MCTP2: variants seen among roughly 807,000 people sequenced by gnomAD.
The protein encoded by MCTP2 is multiple C2 and transmembrane domain-containing protein 2.
Under a neutral mutation model 111.6 loss-of-function variants are expected in MCTP2, and 132 were observed. That is an observed-to-expected ratio of 1.18 (90% CI 1.03 to 1.37). The LOEUF is 1.37. Ranked by LOEUF, MCTP2 falls within the 40% of genes most tolerant of loss-of-function variation. The pLI, the probability that MCTP2 is intolerant of heterozygous loss-of-function variation, is 0.00. For synonymous variants in MCTP2, 395 were observed against 387.7 expected (o/e 1.02, Z -0.22); for missense variants, 1,183 against 1,067.9 (o/e 1.11, Z -1.50).
chr15:94,397,491 T>C (rs1325567686), intron 14 of MCTP2, among the ~76,000 whole-genome samples: 2 of 152,192 alleles, frequency 1.3e-5, no homozygotes, highest in Non-Finnish European at 2.9e-5. Context: ...CATCCACAAT[T>C]TATTAAGTGA....
At chr15:94,423,322 T>C (rs745458617) in intron 17 of MCTP2, among the ~76,000 whole-genome samples, 19 of 152,192 alleles carry the variant, frequency 1.2e-4, no homozygotes, top group South Asian at 4.1e-4. Context: ...AAATGTTTGA[T>C]AATGTTTCCA....
chr15:94,430,320 T>A (rs2083102239), intron 17 of MCTP2, among the ~76,000 whole-genome samples: 1 of 151,322 alleles, frequency 6.6e-6, no homozygotes, highest in Non-Finnish European at 1.5e-5. Flanking sequence ...ATATTCTTGC[T>A]CACTCTGCTT....
intron 17 of MCTP2, among the ~76,000 whole-genome samples, chr15:94,418,434 AAAGATG>A (rs2082473040): frequency 6.6e-6 from 1 of 152,068 alleles, no homozygotes; most frequent in Non-Finnish European, 1.5e-5. Context: ...GATGGCTTTG[AAAGATG>A]TATTTACCAA....
At chr15:94,457,380 A>G (rs976179547) in intron 19 of MCTP2, among the ~76,000 whole-genome samples, 1 of 152,238 alleles carries the variant, frequency 6.6e-6, no homozygotes, top group Admixed American at 6.5e-5. Context: ...AAGGTTTTCT[A>G]TAAGCAAAGT....
chr15:94,243,364 T>C (rs200087445), intron 1 of MCTP2, among the ~76,000 whole-genome samples: 3,398 of 130,580 alleles, frequency 0.026, 249 homozygotes, highest in Admixed American at 0.074. Flanking sequence ...CGTATGCGTA[T>C]ATGCGTATGT....
At chr15:94,259,570 A>T (rs2073056429) in intron 1 of MCTP2, among the ~76,000 whole-genome samples, 1 of 152,170 alleles carries the variant, frequency 6.6e-6, no homozygotes, top group Non-Finnish European at 1.5e-5. Context: ...TTAAGTTTGA[A>T]TTGTGATATG....
chr15:94,366,776 C>T (rs1186292277), intron 10 of MCTP2, among the ~76,000 whole-genome samples: 2 of 152,176 alleles, frequency 1.3e-5, no homozygotes, highest in Admixed American at 1.3e-4. Context: ...CACCCACCTG[C>T]ATACATAAAC....
chr15:94,462,154 G>A (rs1263951143), intron 20 of MCTP2, among the ~76,000 whole-genome samples: 2 of 152,198 alleles, frequency 1.3e-5, no homozygotes, highest in East Asian at 3.9e-4. Context: ...TCAGTGCAGT[G>A]GGGCAGCCAG....
At chr15:94,247,317 T>C (rs962263932) in intron 1 of MCTP2, among the ~76,000 whole-genome samples, 1 of 152,108 alleles carries the variant, frequency 6.6e-6, no homozygotes, top group Non-Finnish European at 1.5e-5. Flanking sequence ...CCCAACATGC[T>C]GGGGAATTCC....
Position 94,401,884 on chromosome 15 carries a change from C to A in MCTP2, c.1966-16C>A. 1 of 1,592,506 alleles carries A rather than the reference C, an allele frequency of 6.3e-7. No homozygotes were observed. Among genetic ancestry groups the A allele is most frequent in the Non-Finnish European group, 8.6e-7 (1 of 1,168,770 alleles). On this transcript the variant is annotated splice_polypyrimidine_tract_variant and intron_variant, in intron 16 of 22. Coordinates refer to ENST00000357742, the MANE Select transcript of MCTP2 (RefSeq NM_001385001.1). ...TATTTAAATCTAGTTTCCTGTTTGT[C>A]ATTTTTTAAAATCAGATCTTATCAA...
At chr15:94,460,452 TGAG>T (rs1214075126) in intron 20 of MCTP2, among the ~76,000 whole-genome samples, 1 of 152,048 alleles carries the variant, frequency 6.6e-6, no homozygotes, top group South Asian at 2.1e-4. Context: ...ATGCAGGCCT[TGAG>T]GAGATGGAAA....
chr15:94,292,572 T>C (rs1233153945), intron 1 of MCTP2, among the ~76,000 whole-genome samples: 1 of 152,200 alleles, frequency 6.6e-6, no homozygotes, highest in Non-Finnish European at 1.5e-5. Context: ...GTACTGGGTA[T>C]GTGAGCTAAA....
At chr15:94,244,164 G>A (rs866591364) in intron 1 of MCTP2, among the ~76,000 whole-genome samples, 24 of 141,294 alleles carry the variant, frequency 1.7e-4, no homozygotes, top group Admixed American at 4.1e-4. Flanking sequence ...TTATATACAC[G>A]TGTATACACA....
At chr15:94,240,726 CTATCCTT>C (rs2070887706) in intron 1 of MCTP2, among the ~76,000 whole-genome samples, 1 of 152,136 alleles carries the variant, frequency 6.6e-6, no homozygotes, top group Non-Finnish European at 1.5e-5. Context: ...GGAAAAGTCT[CTATCCTT>C]TATCTGATCC....
intron 17 of MCTP2, among the ~76,000 whole-genome samples, chr15:94,431,048 C>T (rs1007530061): frequency 6.6e-6 from 1 of 152,110 alleles, no homozygotes; most frequent in East Asian, 1.9e-4. Context: ...TCTATCTCAT[C>T]TTCAATCCTC....
intron 4 of MCTP2, among the ~76,000 whole-genome samples, chr15:94,319,838 T>G (rs763721721): frequency 2.0e-5 from 3 of 152,252 alleles, no homozygotes; most frequent in Non-Finnish European, 4.4e-5. Flanking sequence ...AAGTACTAAC[T>G]ATAACATGTT....
chr15:94,422,738 A>C (rs578121116), intron 17 of MCTP2, among the ~76,000 whole-genome samples: 1 of 152,208 alleles, frequency 6.6e-6, no homozygotes, highest in Non-Finnish European at 1.5e-5. Context: ...CCGTTGCTCT[A>C]TGAACCAGCA....
chr15:94,345,085 T>C, intron 7 of MCTP2, 44 bp from the exon 8 acceptor site: 1 of 1,607,410 alleles, frequency 6.2e-7, no homozygotes, highest in Non-Finnish European at 8.5e-7. Flanking sequence ...TCTTCCTCTG[T>C]TTTATTTTGC....
intron 10 of MCTP2, among the ~76,000 whole-genome samples, chr15:94,367,263 G>A (rs1333194712): frequency 6.6e-6 from 1 of 152,020 alleles, no homozygotes; most frequent in Admixed American, 6.5e-5. Flanking sequence ...CATACAGCAT[G>A]CTTACTCATA....
Sources: allele counts gnomAD v4.1 joint callset (sites outside exome capture counted in the v4.1 genomes callset), GRCh38; gene constraint gnomAD v4.1.1; transcripts MANE v1.5; gene names NCBI Gene and HGNC (gene_info 2026-07-23, HGNC 2026-07-21).